The following ST3GAL5 variants were observed in gnomAD, a reference collection of about 807,000 sequenced individuals.
The protein encoded by ST3GAL5 is lactosylceramide alpha-2,3-sialyltransferase.
A neutral mutation model predicts 46.1 loss-of-function variants in ST3GAL5; 25 were observed. The observed-to-expected ratio is 0.54, with a 90% confidence interval of 0.40 to 0.76. The LOEUF (loss-of-function observed/expected upper bound fraction) is 0.76. ST3GAL5 is among the 30% of genes least tolerant of loss of function. The probability of loss-of-function intolerance (pLI) is 0.00; values close to 1 mark genes in which losing one functional copy is unlikely to be tolerated. For missense variants in ST3GAL5, 431 were observed against 521.2 expected (o/e 0.83, Z 1.69); for synonymous variants, 182 against 192.7 (o/e 0.94, Z 0.46).
intron 1 of ST3GAL5, among the ~76,000 whole-genome samples, chr2:85,885,021 G>C (rs1167756833): frequency 6.6e-6 from 1 of 152,166 alleles, no homozygotes; most frequent in Non-Finnish European, 1.5e-5. Flanking sequence ...ATGGGTACAG[G>C]ACTTGGTGAA....
At chr2:85,858,009 T>A (rs1684328504) in intron 3 of ST3GAL5, 1 of 152,172 alleles carries the variant, frequency 6.6e-6, no homozygotes, top group African/African-American at 2.4e-5. Context: ...CTCGTATGAA[T>A]TAGGATAATA....
intron 3 of ST3GAL5, among the ~76,000 whole-genome samples, chr2:85,857,657 G>A (rs748711923): frequency 6.6e-6 from 1 of 152,112 alleles, no homozygotes; most frequent in Non-Finnish European, 1.5e-5. Context: ...CAAAAAGACT[G>A]GAGAGATCAG....
At chr2:85,885,685 G>A (rs746903678) in intron 1 of ST3GAL5, among the ~76,000 whole-genome samples, 2 of 152,036 alleles carry the variant, frequency 1.3e-5, no homozygotes, top group Admixed American at 6.6e-5. Context: ...AAAATTAGCC[G>A]GGCGAGGTGG....
intron 3 of ST3GAL5, among the ~76,000 whole-genome samples, chr2:85,858,859 C>G (rs1187432568): frequency 3.9e-5 from 6 of 152,216 alleles, no homozygotes; most frequent in African/African-American, 1.4e-4. Context: ...ATGTTCCTAT[C>G]CCTTCCATGA....
chr2:85,857,510 CT>C (rs1322015283), intron 3 of ST3GAL5, among the ~76,000 whole-genome samples: 8 of 141,324 alleles, frequency 5.7e-5, no homozygotes, highest in African/African-American at 2.2e-4. Context: ...GCACACCAGC[CT>C]GGGAGACAGA....
intron 6 of ST3GAL5, 77 bp downstream of exon 6, chr2:85,844,319 C>T (rs943968424): frequency 1.0e-4 from 162 of 1,595,096 alleles, no homozygotes; most frequent in Non-Finnish European, 1.4e-4. Flanking sequence ...TCTGGGTATA[C>T]AGTTGAGCCA....
At chr2:85,855,362 G>C (rs1261506166) in intron 3 of ST3GAL5, 1 of 152,402 alleles carries the variant, frequency 6.6e-6, no homozygotes, top group Non-Finnish European at 1.5e-5. Context: ...CCTGCCATGT[G>C]GAGTTGTAAC....
intron 5 of ST3GAL5, chr2:85,845,324 A>C (rs927684542): frequency 6.5e-6 from 1 of 152,906 alleles, no homozygotes; most frequent in Non-Finnish European, 1.5e-5. Flanking sequence ...GCATTTTTGG[A>C]GCTCTTTAGA....
At chr2:85,882,584 G>A (rs1687282007) in intron 1 of ST3GAL5, among the ~76,000 whole-genome samples, 1 of 152,132 alleles carries the variant, frequency 6.6e-6, no homozygotes, top group African/African-American at 2.4e-5. Flanking sequence ...TGTAATCCTA[G>A]CACTTTGGGA....
At chr2:85,874,550 A>G (rs1433118311) in intron 1 of ST3GAL5, among the ~76,000 whole-genome samples, 1 of 151,760 alleles carries the variant, frequency 6.6e-6, no homozygotes, top group Non-Finnish European at 1.5e-5. Flanking sequence ...GCCTTCCTTG[A>G]CCACCCTCTG....
In ST3GAL5 at chr2:85,839,683, G is replaced by A. The variant is rs554932110; in HGVS notation, c.*461C>T. The stretch of plus-strand genomic sequence containing the variant: ...GACCCAGTATCAGCAGCAGAGCTAC[G>A]GAGCACGTCATCCTGGGAGTGGATC... On this transcript the variant is annotated 3_prime_UTR_variant, in exon 7 of 7. Coordinates refer to ENST00000638572, the MANE Select transcript of ST3GAL5 (RefSeq NM_003896.4). 16 of 265,162 alleles carry A rather than the reference G, an allele frequency of 6.0e-5. No homozygotes were observed. The East Asian group carries it at 1.0e-3, about 17-fold the overall frequency. 16.4% of individuals were successfully genotyped at this position (265,162 alleles called of 1,614,324 possible).
At chr2:85,860,805 C>A (rs1684629772) in intron 3 of ST3GAL5, 1 of 278,390 alleles carries the variant, frequency 3.6e-6, no homozygotes, top group Admixed American at 4.9e-5. Flanking sequence ...CTGCACTCAA[C>A]CCTGGGTGCA....
In ST3GAL5 at chr2:85,861,190, G is replaced by C; in HGVS notation, c.309C>G (p.Asp103Glu). ...DMKKMHYVDP[D>E]HVKRAQKYAQ... ...CAATGGGATATCTAACCTTTACATG[G>C]TCAGGGTCCACATAATGCATTTTTT... The change falls in exon 3 of 7, where the codon GAC becomes GAG. Residue 103 changes from aspartate to glutamate, a missense_variant. Transcript: ENST00000638572. 1 of 1,602,014 alleles carries C rather than the reference G, an allele frequency of 6.2e-7. No individual in the cohort carries two copies. Among genetic ancestry groups the C allele is most frequent in the Non-Finnish European group, 8.6e-7 (1 of 1,169,546 alleles).
At position 85,863,190 on chromosome 2, in the gene ST3GAL5, C is replaced by T. The variant is rs148501836; in HGVS notation, c.206+172G>A. On this transcript the variant is annotated intron_variant, in intron 2 of 6. Transcript: ENST00000638572. ...TACAGCCAGCTGTACAGGCTCACTC[C>T]GGCTGTGCACTCAGTCTTTACTCAG... Among the ~76,000 whole-genome samples, 794 of 152,280 alleles carry T rather than the reference C, an allele frequency of 5.2e-3. 8 individuals carry two copies. Among genetic ancestry groups the T allele is most frequent in the African/African-American group, 0.017 (724 of 41,570 alleles).
chr2:85,855,516 A>G (rs1684003707), intron 3 of ST3GAL5: 1 of 152,260 alleles, frequency 6.6e-6, no homozygotes, highest in South Asian at 2.1e-4. Flanking sequence ...TAAACATACT[A>G]GAAGAAAACT....
At chr2:85,887,277 A>G (rs912186951) in intron 1 of ST3GAL5, 1 of 152,250 alleles carries the variant, frequency 6.6e-6, no homozygotes, top group African/African-American at 2.4e-5. Flanking sequence ...CTATTTTGAT[A>G]ACATGCAACA....
chr2:85,853,603 A>C, intron 3 of ST3GAL5: 1 of 159,260 alleles, frequency 6.3e-6, no homozygotes, highest in Non-Finnish European at 1.4e-5. Context: ...CTCACACAGA[A>C]CTCCATGTCA....
intron 3 of ST3GAL5, chr2:85,849,645 C>A (rs113879076): frequency 0.025 from 3,810 of 152,154 alleles, 153 homozygotes; most frequent in African/African-American, 0.085. Flanking sequence ...AAAAACCCCC[C>A]AAAAAACAAA....
intron 1 of ST3GAL5, among the ~76,000 whole-genome samples, chr2:85,883,099 G>A (rs1281769932): frequency 6.6e-6 from 1 of 152,166 alleles, no homozygotes; most frequent in Non-Finnish European, 1.5e-5. Context: ...GATTGGTTTT[G>A]AAATGAGAGG....
Sources: allele counts gnomAD v4.1 joint callset (sites outside exome capture counted in the v4.1 genomes callset), GRCh38; gene constraint gnomAD v4.1.1; transcripts MANE v1.5; gene names NCBI Gene and HGNC (gene_info 2026-07-23, HGNC 2026-07-21).